The following TMEM107 variants were observed in gnomAD, a reference collection of about 807,000 sequenced individuals.
TMEM107 encodes the protein transmembrane protein 107.
A neutral mutation model predicts 16.8 loss-of-function variants in TMEM107; 18 were observed. The observed-to-expected ratio is 1.07, with a 90% confidence interval of 0.74 to 1.59. The LOEUF (loss-of-function observed/expected upper bound fraction) is 1.59, where lower values mean the gene tolerates loss of function less well. Ranked by LOEUF, TMEM107 falls within the 40% of genes most tolerant of loss-of-function variation. The pLI is 0.00. For synonymous variants in TMEM107, 68 were observed against 71.6 expected, an observed-to-expected ratio of 0.95 and a Z score of 0.25; for missense variants, 152 against 175.4, an observed-to-expected ratio of 0.87 and a Z score of 0.75.
Position 8,173,281 on chromosome 17 carries a change from A to G in TMEM107, c.*922T>C. The G allele has an allele frequency of 1.9e-6, 1 of 534,736 alleles. No homozygotes were observed. The highest frequency in any genetic ancestry group is 2.9e-5 in the East Asian group (1 of 34,754). 33.1% of individuals were successfully genotyped at this position (534,736 alleles called of 1,614,324 possible). On this transcript the variant is annotated 3_prime_UTR_variant, in exon 5 of 5. Transcript: ENST00000437139. The stretch of plus-strand genomic sequence containing the variant: ...TAAATTCCAGAAAGCAACAAAAACC[A>G]AATCACAATTTTCAAGAACAAACAA...
rs1005863429 is a variant in TMEM107 at position 8,174,632 on chromosome 17, G to A, written c.257-16C>T. 1 of 1,611,156 alleles carries A rather than the reference G, an allele frequency of 6.2e-7. No homozygotes were observed. Among genetic ancestry groups the A allele is most frequent in the Non-Finnish European group, 8.5e-7 (1 of 1,177,358 alleles). ...GCCCCAATGGCTTGGGAAGGCACGA[G>A]ATTAAGGAAAGTCTTTGGATCGACA... On this transcript the variant is annotated splice_polypyrimidine_tract_variant and intron_variant, in intron 3 of 4. Transcript: ENST00000437139.
In TMEM107 at chr17:8,173,481, A is replaced by C; in HGVS notation, c.*722T>G. On this transcript the variant is annotated 3_prime_UTR_variant, in exon 5 of 5. Transcript: ENST00000437139. ...CAGACAGGAGCAATCAGGGTGTTGC[A>C]AGTCCTGATTACGCAGAGACGTTAA... The C allele has an allele frequency of 1.3e-6, 1 of 765,000 alleles. No individual in the cohort carries two copies. Among genetic ancestry groups the C allele is most frequent in the South Asian group, 1.3e-5 (1 of 74,582 alleles). 47.4% of individuals were successfully genotyped at this position (765,000 alleles called of 1,614,324 possible). A position where few individuals can be genotyped will look rare whatever the true frequency, so the allele number is the denominator to read the frequency against.
Position 8,173,536 on chromosome 17 carries a change from T to G in TMEM107, c.*667A>C, listed in dbSNP as rs772145329. 2.6e-6 allele frequency: 2 copies of G among 765,306 alleles called. No individual in the cohort carries two copies. The highest frequency in any genetic ancestry group is 4.8e-6 in the Non-Finnish European group (2 of 418,038). The allele number at this position is 765,306 out of a possible 1,614,324, so 47.4% of individuals were successfully genotyped here. A position where few individuals can be genotyped will look rare whatever the true frequency, so the allele number is the denominator to read the frequency against. On this transcript the variant is annotated 3_prime_UTR_variant, in exon 5 of 5. Transcript: ENST00000437139. ...GTTTCATGCATCTCCAATCATCATG[T>G]TCTAATCTGCCCTCCGGAGGAGGAA...
At position 8,174,044 on chromosome 17, in the gene TMEM107, G is replaced by C; in HGVS notation, c.*159C>G. 1 of 647,718 alleles carries C rather than the reference G, an allele frequency of 1.5e-6. No individual in the cohort carries two copies. The highest frequency in any genetic ancestry group is 2.8e-6 in the Non-Finnish European group (1 of 358,466). 40.1% of individuals were successfully genotyped at this position (647,718 alleles called of 1,614,324 possible). The stretch of plus-strand genomic sequence containing the variant: ...TATTACAAAGCACTAAATACAATGC[G>C]GATAATCCCAGACTCAAGACGTAAT... On this transcript the variant is annotated 3_prime_UTR_variant, in exon 5 of 5. Coordinates refer to ENST00000437139, the MANE Select transcript of TMEM107 (RefSeq NM_183065.4).
At chr17:8,176,057 A>G in intron 1 of TMEM107, 31 bp from the exon 2 acceptor site, 7 of 1,614,032 alleles carry the variant, frequency 4.3e-6, no homozygotes, top group Non-Finnish European at 5.9e-6. Context: ...GAGAAGTGAA[A>G]AAGGGGCAGG....
Position 8,176,186 on chromosome 17 carries a change from G to T in TMEM107, c.87+14C>A. 6.2e-7 allele frequency: 1 copy of T among 1,612,920 alleles called. No individual in the cohort carries two copies. The highest frequency in any genetic ancestry group is 1.3e-5 in the African/African-American group (1 of 75,034). On this transcript the variant is annotated intron_variant, in intron 1 of 4. Transcript: ENST00000437139. ...TGGGAATGGGGACGGATTGAGTGCA[G>T]CCGTGGGTCTTACCCGGGACCAGAA...
rs1289576181 is a variant in TMEM107 at position 8,173,307 on chromosome 17, A to G, written c.*896T>C. 7.4e-6 allele frequency: 4 copies of G among 537,556 alleles called. No homozygotes were observed. The highest frequency in any genetic ancestry group is 1.3e-5 in the Non-Finnish European group (4 of 299,668). The allele number at this position is 537,556 out of a possible 1,614,324, so 33.3% of individuals were successfully genotyped here. A position where few individuals can be genotyped will look rare whatever the true frequency, so the allele number is the denominator to read the frequency against. ...AATCACAATTTTCAAGAACAAACAAATTTAGCAAGACTGCAAAATAGACAA... is the reference window on the plus strand; with the variant it reads ...AATCACAATTTTCAAGAACAAACAAGTTTAGCAAGACTGCAAAATAGACAA... On this transcript the variant is annotated 3_prime_UTR_variant, in exon 5 of 5. Transcript: ENST00000437139.
rs750083790 is a variant in TMEM107, at chr17:8,173,627, A to T, written c.*576T>A. ...CGACATTCTGCACTCAGTGAAAAAG[A>T]TTCCGTTACAAGCTAGGGTGAGTTC... On this transcript the variant is annotated 3_prime_UTR_variant, in exon 5 of 5. Coordinates refer to ENST00000437139, the MANE Select transcript of TMEM107 (RefSeq NM_183065.4). 2.7e-6 allele frequency: 2 copies of T among 747,652 alleles called. No individual in the cohort carries two copies. Among genetic ancestry groups the T allele is most frequent in the South Asian group, 1.4e-5 (1 of 72,890 alleles). 46.3% of individuals were successfully genotyped at this position (747,652 alleles called of 1,614,324 possible).
rs759125251 is a variant in TMEM107 at position 8,173,551 on chromosome 17, C to CAA, written c.*651_*652insTT. The stretch of plus-strand genomic sequence containing the variant: ...AATCATCATGTTCTAATCTGCCCTC[C>CAA]GGAGGAGGAACAGGTAAGGATTATC... On this transcript the variant is annotated 3_prime_UTR_variant, in exon 5 of 5. Transcript: ENST00000437139. 7.8e-6 allele frequency: 6 copies of CAA among 765,142 alleles called. No individual in the cohort carries two copies. The African/African-American group carries it at 1.0e-4, about 13-fold the overall frequency. The allele number at this position is 765,142 out of a possible 1,614,324, so 47.4% of individuals were successfully genotyped here.
At position 8,173,721 on chromosome 17, in the gene TMEM107, CA is replaced by C. The variant is rs544793202; in HGVS notation, c.*481del. ...AGTTGTTTTGCCATATTAGCTCGCA[CA>C]TTTTTTTAAATTTTTTTTTCATTCG... On this transcript the variant is annotated 3_prime_UTR_variant, in exon 5 of 5. Transcript: ENST00000437139. The C allele has an allele frequency of 8.1e-3, 4,583 of 564,092 alleles. 52 individuals carry two copies. Among genetic ancestry groups the C allele is most frequent in the South Asian group, 0.011 (490 of 42,682 alleles). 34.9% of individuals were successfully genotyped at this position (564,092 alleles called of 1,614,324 possible). A position where few individuals can be genotyped will look rare whatever the true frequency, so the allele number is the denominator to read the frequency against.
Position 8,173,455 on chromosome 17 carries a change from T to G in TMEM107, c.*748A>C, listed in dbSNP as rs758058586. The stretch of plus-strand genomic sequence containing the variant: ...AAATGTAAGTGATCGTCAGAAAGAA[T>G]CAGACAGGAGCAATCAGGGTGTTGC... On this transcript the variant is annotated 3_prime_UTR_variant, in exon 5 of 5. Coordinates refer to ENST00000437139, the MANE Select transcript of TMEM107 (RefSeq NM_183065.4). 7.9e-6 allele frequency: 6 copies of G among 763,220 alleles called. No homozygotes were observed. Among genetic ancestry groups the G allele is most frequent in the Admixed American group, 6.8e-5 (4 of 58,846 alleles). 47.3% of individuals were successfully genotyped at this position (763,220 alleles called of 1,614,324 possible).
At position 8,173,539 on chromosome 17, in the gene TMEM107, T is replaced by TAATCTGCC. The variant is rs1555525614; in HGVS notation, c.*656_*663dup. ...TCATGCATCTCCAATCATCATGTTC[T>TAATCTGCC]AATCTGCCCTCCGGAGGAGGAACAG... On this transcript the variant is annotated 3_prime_UTR_variant, in exon 5 of 5. Coordinates refer to ENST00000437139, the MANE Select transcript of TMEM107 (RefSeq NM_183065.4). 1.3e-6 allele frequency: 1 copy of TAATCTGCC among 765,462 alleles called. No homozygotes were observed. Among genetic ancestry groups the TAATCTGCC allele is most frequent in the South Asian group, 1.3e-5 (1 of 74,620 alleles). 47.4% of individuals were successfully genotyped at this position (765,462 alleles called of 1,614,324 possible).
At position 8,175,978 on chromosome 17, in the gene TMEM107, A is replaced by G; in HGVS notation, c.136T>C (p.Tyr46His). The G allele has an allele frequency of 1.2e-6, 2 of 1,613,688 alleles. No homozygotes were observed. The highest frequency in any genetic ancestry group is 1.7e-6 in the Non-Finnish European group (2 of 1,179,930). The change falls in exon 2 of 5, where the codon TAT (tyrosine) becomes CAT (histidine). Residue 46 changes from tyrosine to histidine, a missense_variant. Tyr to His is a moderately conservative substitution (Grantham distance 83). Coordinates refer to ENST00000437139, the MANE Select transcript of TMEM107 (RefSeq NM_183065.4). ...GCTCACTGAATGTCCTGCTTGTCAT[A>G]CTCCTCGGGGGTGAACGTGAGAGGC... is the stretch of plus-strand genomic sequence containing the variant. The part of the protein sequence containing the change: ...CLPLTFTPEE[Y>H]DKQDIQLVAA...
At position 8,173,701 on chromosome 17, in the gene TMEM107, T is replaced by C; in HGVS notation, c.*502A>G. On this transcript the variant is annotated 3_prime_UTR_variant, in exon 5 of 5. Coordinates refer to ENST00000437139, the MANE Select transcript of TMEM107 (RefSeq NM_183065.4). ...CTATTATTTAGCGTCCTTCCAGTTGTTTTGCCATATTAGCTCGCACATTTT... is the reference window on the plus strand; with the variant it reads ...CTATTATTTAGCGTCCTTCCAGTTGCTTTGCCATATTAGCTCGCACATTTT... 1.6e-6 allele frequency: 1 copy of C among 611,488 alleles called. No individual in the cohort carries two copies. Among genetic ancestry groups the C allele is most frequent in the South Asian group, 2.0e-5 (1 of 49,852 alleles). The allele number at this position is 611,488 out of a possible 1,614,324, so 37.9% of individuals were successfully genotyped here.
chr17:8,173,559 G>C lies in TMEM107; in HGVS notation c.*644C>G, dbSNP rs9893295. ...TGTTCTAATCTGCCCTCCGGAGGAG[G>C]AACAGGTAAGGATTATCCCACCTGA... On this transcript the variant is annotated 3_prime_UTR_variant, in exon 5 of 5. Coordinates refer to ENST00000437139, the MANE Select transcript of TMEM107 (RefSeq NM_183065.4). The C allele has an allele frequency of 1.0e-5, 8 of 765,316 alleles. No individual in the cohort carries two copies. Among genetic ancestry groups the C allele is most frequent in the Admixed American group, 1.7e-5 (1 of 59,000 alleles). 47.4% of individuals were successfully genotyped at this position (765,316 alleles called of 1,614,324 possible). A position where few individuals can be genotyped will look rare whatever the true frequency, so the allele number is the denominator to read the frequency against.
chr17:8,174,494 T>G lies in TMEM107; in HGVS notation c.353+26A>C, dbSNP rs747783287. On this transcript the variant is annotated intron_variant, in intron 4 of 4. Transcript: ENST00000437139. Reference sequence around the variant, plus strand: ...GTTTAGGGCCAACCTTCCTCCCTCATCCCCAAATATTGGATGCTACCACAC... The same window carrying G: ...GTTTAGGGCCAACCTTCCTCCCTCAGCCCCAAATATTGGATGCTACCACAC... 5 of 1,608,252 alleles carry G rather than the reference T, an allele frequency of 3.1e-6. No individual in the cohort carries two copies. In the African/African-American group the frequency reaches 6.7e-5, roughly 22 times the overall value.
Position 8,174,080 on chromosome 17 carries a change from C to T in TMEM107, c.*123G>A. ...GACTCAAGACGTAATTATTCCAACA[C>T]ATATCCTCCAGCAGAAGCAGTTTCC... On this transcript the variant is annotated 3_prime_UTR_variant, in exon 5 of 5. Transcript: ENST00000437139. 2 of 780,958 alleles carry T rather than the reference C, an allele frequency of 2.6e-6. No homozygotes were observed. The highest frequency in any genetic ancestry group is 4.5e-6 in the Non-Finnish European group (2 of 442,450). 48.4% of individuals were successfully genotyped at this position (780,958 alleles called of 1,614,324 possible).
At position 8,173,503 on chromosome 17, in the gene TMEM107, T is replaced by G. The variant is rs780174735; in HGVS notation, c.*700A>C. 7 of 765,136 alleles carry G rather than the reference T, an allele frequency of 9.1e-6. No individual in the cohort carries two copies. The highest frequency in any genetic ancestry group is 1.4e-5 in the Non-Finnish European group (6 of 418,018). The allele number at this position is 765,136 out of a possible 1,614,324, so 47.4% of individuals were successfully genotyped here. A position where few individuals can be genotyped will look rare whatever the true frequency, so the allele number is the denominator to read the frequency against. On this transcript the variant is annotated 3_prime_UTR_variant, in exon 5 of 5. Coordinates refer to ENST00000437139, the MANE Select transcript of TMEM107 (RefSeq NM_183065.4). ...TGCAAGTCCTGATTACGCAGAGACG[T>G]TAATCACGTTTCATGCATCTCCAAT...
At position 8,174,263 on chromosome 17, in the gene TMEM107, T is replaced by C. The variant is rs74895707; in HGVS notation, c.363A>G (p.Pro121=). Residue 121 remains proline (P), a synonymous_variant, in exon 5 of 5, where the codon CCA becomes CCG. Transcript: ENST00000437139. ...WYIFVFCSAL[P]AVTEMALFVT... ...CGAATAAAGCCATTTCAGTGACAGC[T>C]GGAAGGGCACTACCAAGGCAAGTGG... 2,854 of 1,614,162 alleles carry C rather than the reference T, an allele frequency of 1.8e-3. 33 individuals are homozygous for C. The East Asian group carries it at 0.038, about 21-fold the overall frequency.
Sources: gnomAD v4.1 joint callset for allele counts on GRCh38, gnomAD v4.1.1 for gene constraint, MANE v1.5 for transcripts, NCBI Gene and HGNC (gene_info 2026-07-23, HGNC 2026-07-21) for gene names.